BTBD9: variants seen among roughly 807,000 people sequenced by gnomAD.
The protein encoded by BTBD9 is BTB domain containing 9, also known as BTB/POZ domain-containing protein 9.
A neutral mutation model predicts 64.3 loss-of-function variants in BTBD9; 49 were observed. That is an observed-to-expected ratio of 0.76 (90% CI 0.61 to 0.97). The LOEUF (loss-of-function observed/expected upper bound fraction) is 0.97. Among genes scored for constraint, BTBD9 ranks in the 50% least tolerant of loss-of-function variants. The probability of loss-of-function intolerance (pLI) is 0.00; values close to 1 mark genes in which losing one functional copy is unlikely to be tolerated. For missense variants in BTBD9, 598 were observed against 762.1 expected (o/e 0.78, Z 2.53); for synonymous variants, 260 against 274.7 (o/e 0.95, Z 0.53).
intron 4 of BTBD9, among the ~76,000 whole-genome samples, chr6:38,589,178 T>G (rs1776682625): frequency 6.6e-6 from 1 of 152,184 alleles, no homozygotes; most frequent in South Asian, 2.1e-4. Flanking sequence ...TGAACAACAA[T>G]CTGTGTATGT....
intron 9 of BTBD9, among the ~76,000 whole-genome samples, chr6:38,253,257 A>G (rs1282049912): frequency 6.6e-6 from 1 of 152,298 alleles, no homozygotes; most frequent in African/African-American, 2.4e-5. Context: ...ACACTTCCAT[A>G]TGGCTGGAGA....
At chr6:38,471,167 T>C (rs1326629642) in intron 6 of BTBD9, among the ~76,000 whole-genome samples, 1 of 152,180 alleles carries the variant, frequency 6.6e-6, no homozygotes, top group Admixed American at 6.5e-5. Context: ...ATTCCATTTA[T>C]AAAAATGGCT....
chr6:38,361,976 G>A (rs1234031881), intron 6 of BTBD9, among the ~76,000 whole-genome samples: 1 of 151,814 alleles, frequency 6.6e-6, no homozygotes, highest in Admixed American at 6.6e-5. Flanking sequence ...CTTTTTCAAT[G>A]TAGAGGACCC....
At chr6:38,396,940 C>T (rs1377057535) in intron 6 of BTBD9, among the ~76,000 whole-genome samples, 4 of 123,810 alleles carry the variant, frequency 3.2e-5, no homozygotes, top group Admixed American at 2.1e-4. Flanking sequence ...CTCACTCTGT[C>T]GTCCAGCCTG....
At chr6:38,408,180 G>T (rs2127253122) in intron 6 of BTBD9, among the ~76,000 whole-genome samples, 1 of 152,094 alleles carries the variant, frequency 6.6e-6, no homozygotes, top group Non-Finnish European at 1.5e-5. Flanking sequence ...AACACAGTGA[G>T]ACCCCCATCT....
intron 8 of BTBD9, among the ~76,000 whole-genome samples, chr6:38,256,728 A>G (rs1348123369): frequency 2.6e-5 from 4 of 152,208 alleles, no homozygotes; most frequent in Admixed American, 2.0e-4. Flanking sequence ...AAGTCCCCCA[A>G]TCCCAGGCAG....
intron 7 of BTBD9, among the ~76,000 whole-genome samples, chr6:38,315,836 T>C (rs1486742668): frequency 6.6e-6 from 1 of 152,232 alleles, no homozygotes; most frequent in Non-Finnish European, 1.5e-5. Flanking sequence ...AGTTGGTCTA[T>C]AGCACAGAGT....
At chr6:38,258,340 G>T (rs976776019) in intron 8 of BTBD9, among the ~76,000 whole-genome samples, 2 of 152,052 alleles carry the variant, frequency 1.3e-5, no homozygotes, top group African/African-American at 4.8e-5. Context: ...TTAGTGTTTT[G>T]CTTCTGACAG....
chr6:38,343,569 GA>G (rs2127589181), intron 7 of BTBD9, among the ~76,000 whole-genome samples: 1 of 152,232 alleles, frequency 6.6e-6, no homozygotes, highest in South Asian at 2.1e-4. Context: ...GACAACAGGT[GA>G]AAAAGAATGC....
At chr6:38,525,720 G>T (rs1291176517) in intron 6 of BTBD9, among the ~76,000 whole-genome samples, 4 of 152,204 alleles carry the variant, frequency 2.6e-5, no homozygotes, top group African/African-American at 9.6e-5. Flanking sequence ...AAAGAGACTG[G>T]CAGCACTGTG....
intron 6 of BTBD9, among the ~76,000 whole-genome samples, chr6:38,545,837 AACACACACACACACACATACAC>A (rs1219744830): frequency 1.4e-3 from 163 of 112,898 alleles, no homozygotes; most frequent in Non-Finnish European, 2.3e-3. Flanking sequence ...TAATATTTAA[AACACACACACACACACATACAC>A]ACACACACAC....
At chr6:38,360,644 T>C (rs1016446311) in intron 6 of BTBD9, among the ~76,000 whole-genome samples, 34 of 151,228 alleles carry the variant, frequency 2.2e-4, no homozygotes, top group African/African-American at 8.3e-4. Context: ...CAGGAAAAAA[T>C]GTATGGGGAA....
At chr6:38,405,427 T>C (rs1295305647) in intron 6 of BTBD9, among the ~76,000 whole-genome samples, 1 of 152,196 alleles carries the variant, frequency 6.6e-6, no homozygotes, top group Non-Finnish European at 1.5e-5. Flanking sequence ...AAAAGCTAAA[T>C]TGCTATGACC....
intron 9 of BTBD9, among the ~76,000 whole-genome samples, chr6:38,200,211 G>A (rs1170155759): frequency 6.6e-6 from 1 of 152,198 alleles, no homozygotes. Context: ...GCCCTCTCCA[G>A]GGAAACAAAT....
intron 7 of BTBD9, among the ~76,000 whole-genome samples, chr6:38,297,487 A>AT (rs1294827007): frequency 6.6e-6 from 1 of 152,198 alleles, no homozygotes; most frequent in African/African-American, 2.4e-5. Context: ...CTTAGAAATT[A>AT]TATCTTCCTG....
At chr6:38,329,100 T>C (rs1763573206) in intron 7 of BTBD9, among the ~76,000 whole-genome samples, 1 of 151,890 alleles carries the variant, frequency 6.6e-6, no homozygotes, top group Non-Finnish European at 1.5e-5. Context: ...CCCTATATTA[T>C]GAAATGTATG....
chr6:38,462,002 CT>C (rs2127353370), intron 6 of BTBD9, among the ~76,000 whole-genome samples: 1 of 152,190 alleles, frequency 6.6e-6, no homozygotes, highest in South Asian at 2.1e-4. Flanking sequence ...AATGTTTTGC[CT>C]TTTTCCCCCT....
At chr6:38,241,697 G>A (rs943226707) in intron 9 of BTBD9, among the ~76,000 whole-genome samples, 2 of 152,130 alleles carry the variant, frequency 1.3e-5, no homozygotes, top group Non-Finnish European at 2.9e-5. Flanking sequence ...TAACACCACG[G>A]TGAAATTCAC....
At chr6:38,335,833 A>G (rs1026924144) in intron 7 of BTBD9, among the ~76,000 whole-genome samples, 2 of 152,186 alleles carry the variant, frequency 1.3e-5, no homozygotes, top group Non-Finnish European at 2.9e-5. Flanking sequence ...TTCCGGATTC[A>G]AGCGATTCTC....
Sources: gnomAD v4.1 joint callset for allele counts (sites outside exome capture counted in the v4.1 genomes callset) on GRCh38, gnomAD v4.1.1 for gene constraint, MANE v1.5 for transcripts, NCBI Gene and HGNC (gene_info 2026-07-23, HGNC 2026-07-21) for gene names.